The following WDR41 variants were observed in gnomAD, a reference collection of about 807,000 sequenced individuals.
WDR41 encodes WD repeat domain 41, also known as WD repeat-containing protein 41.
Under a neutral mutation model 69.3 loss-of-function variants are expected in WDR41, and 63 were observed. The observed-to-expected ratio is 0.91, with a 90% CI of 0.74 to 1.12. The LOEUF (loss-of-function observed/expected upper bound fraction) is 1.12, where lower values mean the gene tolerates loss of function less well. WDR41 is among the 50% of genes most tolerant of loss of function. The pLI is 0.00. For missense variants in WDR41, 543 were observed against 534.5 expected, an observed-to-expected ratio of 1.02 and a Z score of -0.16; for synonymous variants, 185 against 192.1, an observed-to-expected ratio of 0.96 and a Z score of 0.31.
At chr5:77,492,322 G>A (rs1231551444), upstream of WDR41, 1 of 1,473,144 alleles carries the variant, frequency 6.8e-7, no homozygotes, top group Non-Finnish European at 9.3e-7. Flanking sequence ...CAACTGAGAC[G>A]CTAATACTTC....
intron 2 of WDR41, among the ~76,000 whole-genome samples, chr5:77,486,670 C>G (rs773850391): frequency 2.0e-5 from 3 of 152,164 alleles, no homozygotes; most frequent in Non-Finnish European, 2.9e-5. Flanking sequence ...TGGAGGGAGA[C>G]CACAGTCATT....
chr5:77,582,895 T>C lies in WDR41; in HGVS notation c.42+37584A>G, dbSNP rs1743967197. 3.1e-6 allele frequency: 5 copies of C among 1,608,080 alleles called. No individual in the cohort carries two copies. In the South Asian group the frequency reaches 5.5e-5, roughly 18 times the overall value. On this transcript the variant is annotated intron_variant, in intron 1 of 5. Transcript: ENST00000509971. The stretch of plus-strand genomic sequence containing the variant: ...GCGAATTGCTTTGACAGATAACGCT[T>C]TGATTGCTCGATCTCTTGGTAAATA...
intron 9 of WDR41, 84 bp from the exon 10 acceptor site, chr5:77,438,445 A>G: frequency 1.3e-6 from 2 of 1,547,760 alleles, no homozygotes; most frequent in East Asian, 2.3e-5. Flanking sequence ...ATGTGACATC[A>G]GAAAGCCACC....
At position 77,440,901 on chromosome 5, in the gene WDR41, G is replaced by A. The variant is rs370779349; in HGVS notation, c.794C>T (p.Pro265Leu). Residue 265 changes from proline to leucine, a missense_variant, in exon 9 of 13, where the codon CCA becomes CTA. Coordinates refer to ENST00000296679, the MANE Select transcript of WDR41 (RefSeq NM_018268.4). ...TTGTTGGGTGTCCAGTTGTGGAGATGGGTCCCAGAAGTTGCGTTCATAGGC... is the reference window on the plus strand; with the variant it reads ...TTGTTGGGTGTCCAGTTGTGGAGATAGGTCCCAGAAGTTGCGTTCATAGGC... ...MQAYERNFWD[P>L]SPQLDTQQEI... 1.2e-5 allele frequency: 20 copies of A among 1,614,016 alleles called. No individual in the cohort carries two copies. Among genetic ancestry groups the A allele is most frequent in the Non-Finnish European group, 1.5e-5 (18 of 1,180,044 alleles).
At chr5:77,473,979 T>A (rs1396668628) in intron 2 of WDR41, among the ~76,000 whole-genome samples, 1 of 152,144 alleles carries the variant, frequency 6.6e-6, no homozygotes, top group Non-Finnish European at 1.5e-5. Flanking sequence ...TAAAGACACA[T>A]GCACACGTGT....
intron 1 of WDR41, among the ~76,000 whole-genome samples, chr5:77,605,964 GA>G (rs1012238019): frequency 6.6e-6 from 1 of 151,692 alleles, no homozygotes; most frequent in African/African-American, 2.4e-5. Context: ...TATAAAGAAT[GA>G]AAAAAAAGTG....
chr5:77,606,871 G>A (rs1342730075), intron 1 of WDR41, among the ~76,000 whole-genome samples: 1 of 150,810 alleles, frequency 6.6e-6, no homozygotes, highest in South Asian at 2.1e-4. Flanking sequence ...CTTGGGGTGA[G>A]GTCATGCCTT....
rs538672233 is a variant in WDR41, at chr5:77,546,146, C to T, written c.43-56574G>A. 3.3e-5 allele frequency: 16 copies of T among 484,802 alleles called. No homozygotes were observed. In the Admixed American group the frequency reaches 3.6e-4, roughly 11 times the overall value. The allele number at this position is 484,802 out of a possible 1,614,324, so 30.0% of individuals were successfully genotyped here. On this transcript the variant is annotated intron_variant, in intron 1 of 5. Coordinates refer to the WDR41 transcript ENST00000509971. ...AGACCTACAGCTACTTGACCTCCGA[C>T]CTCTGGAAGGAGACTGTATTCACCA...
chr5:77,480,601 A>C (rs920137600), intron 2 of WDR41, among the ~76,000 whole-genome samples: 2 of 150,354 alleles, frequency 1.3e-5, no homozygotes, highest in African/African-American at 4.9e-5. Context: ...ACATATTCTC[A>C]CTCATAGGTG....
intron 1 of WDR41, among the ~76,000 whole-genome samples, chr5:77,520,003 A>C (rs1802349503): frequency 6.6e-6 from 1 of 152,058 alleles, no homozygotes; most frequent in African/African-American, 2.4e-5. Flanking sequence ...TTAGGCCTCT[A>C]AGTTACTCTC....
intron 1 of WDR41, among the ~76,000 whole-genome samples, chr5:77,611,538 A>G (rs1206664941): frequency 6.6e-6 from 1 of 152,258 alleles, no homozygotes; most frequent in African/African-American, 2.4e-5. Context: ...AAACTGAACA[A>G]CCTGCTCCTG....
intron 1 of WDR41, among the ~76,000 whole-genome samples, chr5:77,532,634 G>C (rs1802544600): frequency 6.6e-6 from 1 of 152,106 alleles, no homozygotes; most frequent in South Asian, 2.1e-4. Flanking sequence ...AGCCAAAAAT[G>C]AACTCACTAC....
chr5:77,449,601 T>A (rs1229671973), intron 8 of WDR41, among the ~76,000 whole-genome samples, 159 bp downstream of exon 8: 1 of 152,182 alleles, frequency 6.6e-6, no homozygotes, highest in Non-Finnish European at 1.5e-5. Flanking sequence ...GGAAACTTGC[T>A]CAGCTCCACC....
intron 4 of WDR41, among the ~76,000 whole-genome samples, chr5:77,462,476 T>A (rs1406511857): frequency 6.6e-6 from 1 of 151,020 alleles, no homozygotes; most frequent in East Asian, 1.9e-4. Flanking sequence ...ATTAAATGAG[T>A]TAATATATGT....
At chr5:77,611,116 T>C (rs1364953841) in intron 1 of WDR41, among the ~76,000 whole-genome samples, 5 of 152,036 alleles carry the variant, frequency 3.3e-5, no homozygotes, top group Non-Finnish European at 7.4e-5. Flanking sequence ...CTATCGTAAA[T>C]ATACATGCAC....
intron 1 of WDR41, among the ~76,000 whole-genome samples, chr5:77,515,161 C>G (rs537076369): frequency 6.6e-6 from 1 of 152,240 alleles, no homozygotes; most frequent in South Asian, 2.1e-4. Context: ...TTTAATAACA[C>G]ATCTTAAAAC....
At chr5:77,589,816 A>T (rs1358693499) in intron 1 of WDR41, among the ~76,000 whole-genome samples, 1 of 152,072 alleles carries the variant, frequency 6.6e-6, no homozygotes, top group East Asian at 1.9e-4. Context: ...TATAATATTT[A>T]TTTTTCTTGC....
chr5:77,455,887 G>A (rs1271093590), intron 5 of WDR41, among the ~76,000 whole-genome samples: 1 of 151,744 alleles, frequency 6.6e-6, no homozygotes, highest in African/African-American at 2.4e-5. Flanking sequence ...GTGTGTCTTG[G>A]AACTTTGTTT....
rs373236086 is a variant in WDR41, at chr5:77,492,119, C to T, written c.51+51G>A. On this transcript the variant is annotated intron_variant, in intron 1 of 12. Transcript: ENST00000296679. ...CAGGAAGGCCGAACCGGAACGAAGC[C>T]GCCCCTCCAGCAAGCTCGACGGACG... 505 of 1,597,478 alleles carry T rather than the reference C, an allele frequency of 3.2e-4. 1 individual carries two copies. The highest frequency in any genetic ancestry group is 1.5e-3 in the South Asian group (137 of 89,372).
Sources: gnomAD v4.1 joint callset for allele counts (sites outside exome capture counted in the v4.1 genomes callset) on GRCh38, gnomAD v4.1.1 for gene constraint, MANE v1.5 for transcripts, NCBI Gene and HGNC (gene_info 2026-07-23, HGNC 2026-07-21) for gene names.